PSMA7: variants seen among roughly 807,000 people sequenced by gnomAD.
PSMA7 encodes proteasome 20S subunit alpha 7, also known as proteasome subunit alpha type-7.
Under a neutral mutation model 31.3 loss-of-function variants are expected in PSMA7, and 5 were observed. That is an observed-to-expected ratio of 0.16 (90% CI 0.08 to 0.34). PSMA7 has a LOEUF of 0.34. Ranked by LOEUF, PSMA7 falls within the 10% of genes least tolerant of loss-of-function variation. The pLI is 1.00. For synonymous variants in PSMA7, 155 were observed against 121.9 expected (o/e 1.27, Z -1.79); for missense variants, 217 against 327.5 (o/e 0.66, Z 2.60).
At chr20:62,140,761 GC>G in intron 2 of PSMA7, 56 bp downstream of exon 2, 2 of 1,595,910 alleles carry the variant, frequency 1.3e-6, no homozygotes, top group Non-Finnish European at 1.7e-6. Context: ...AATCTCCAAA[GC>G]CCTATTCTTC....
Position 62,143,309 on chromosome 20 carries a change from C to A in PSMA7, c.-6G>T. 7.1e-7 allele frequency: 1 copy of A among 1,402,562 alleles called. No individual in the cohort carries two copies. The allele number at this position is 1,402,562 out of a possible 1,614,324, so 86.9% of individuals were successfully genotyped here. A position where few individuals can be genotyped will look rare whatever the true frequency, so the allele number is the denominator to read the frequency against. The stretch of plus-strand genomic sequence containing the variant: ...ATGGCGCGGTCGTAGCTCATGCCGG[C>A]GGGCGGCGGCCGGGCTCCTTCCGCC... On this transcript the variant is annotated 5_prime_UTR_variant, in exon 1 of 7. Coordinates refer to ENST00000370873, the MANE Select transcript of PSMA7 (RefSeq NM_002792.4).
chr20:62,142,056 G>A (rs2056932326), intron 1 of PSMA7, among the ~76,000 whole-genome samples: 1 of 152,212 alleles, frequency 6.6e-6, no homozygotes, highest in South Asian at 2.1e-4. Context: ...GAGCACCTCT[G>A]CAAGGTCTTA....
chr20:62,137,305 C>T (rs982242273), intron 6 of PSMA7, 59 bp downstream of exon 6: 68 of 1,545,262 alleles, frequency 4.4e-5, no homozygotes, highest in Middle Eastern at 1.7e-4. Context: ...TGGTACTGCT[C>T]AGCCCTGATC....
At chr20:62,138,990 GCCTACAGCAGGAAGCCCAGGA>G in intron 4 of PSMA7, 64 bp downstream of exon 4, 1 of 1,514,604 alleles carries the variant, frequency 6.6e-7, no homozygotes, top group Admixed American at 1.9e-5. Flanking sequence ...CTGATACAGG[GCCTACAGCAGGAAGCCCAGGA>G]CCTCCCACCC....
At position 62,136,777 on chromosome 20, in the gene PSMA7, T is replaced by C. The variant is rs972358066; in HGVS notation, c.*80A>G. On this transcript the variant is annotated 3_prime_UTR_variant, in exon 7 of 7. Transcript: ENST00000370873. ...TTGTAGGACACTCAGTGTGAATAAATGGAATGGAAAGGCCTACACATCGAG... is the reference window on the plus strand; with the variant it reads ...TTGTAGGACACTCAGTGTGAATAAACGGAATGGAAAGGCCTACACATCGAG... The C allele has an allele frequency of 3.1e-5, 47 of 1,511,032 alleles. No homozygotes were observed. The highest frequency in any genetic ancestry group is 2.6e-4 in the East Asian group (11 of 42,662). The allele number at this position is 1,511,032 out of a possible 1,614,324, so 93.6% of individuals were successfully genotyped here.
chr20:62,138,293 A>G lies in PSMA7; in HGVS notation c.472-3T>C, dbSNP rs1600966301. 2 of 1,603,516 alleles carry G rather than the reference A, an allele frequency of 1.2e-6. No individual in the cohort carries two copies. Among genetic ancestry groups the G allele is most frequent in the African/African-American group, 1.3e-5 (1 of 74,848 alleles). ...GCACCCCGACCTATGGCATTGGCCT[A>G]AAACAGACACGTATGTTCTCACGTG... On this transcript the variant is annotated splice_polypyrimidine_tract_variant and splice_region_variant and intron_variant, in intron 4 of 6. Transcript: ENST00000370873.
intron 1 of PSMA7, 75 bp downstream of exon 1, chr20:62,143,133 G>A (rs1482933371): frequency 1.1e-5 from 11 of 998,468 alleles, no homozygotes; most frequent in Non-Finnish European, 1.3e-5. Flanking sequence ...GCCGCGCCCG[G>A]CCCCGGCCCT....
Position 62,140,957 on chromosome 20 carries a change from T to A in PSMA7, c.97-13A>T, listed in dbSNP as rs980757595. 1.9e-5 allele frequency: 31 copies of A among 1,613,738 alleles called. No homozygotes were observed. Among genetic ancestry groups the A allele is most frequent in the Non-Finnish European group, 2.5e-5 (29 of 1,179,990 alleles). ...CTCGAACACCAACCTTTAATTAAGA[T>A]CCACAAACCACGTAAGAAAGTGATA... On this transcript the variant is annotated splice_polypyrimidine_tract_variant and intron_variant, in intron 1 of 6. Transcript: ENST00000370873.
rs2056895526 is a variant in PSMA7, at chr20:62,136,739, A to T, written c.*118T>A. 5.0e-6 allele frequency: 7 copies of T among 1,402,292 alleles called. No individual in the cohort carries two copies. 86.9% of individuals were successfully genotyped at this position (1,402,292 alleles called of 1,614,324 possible). ...TCTTAAAAAAAAAAACAGGTTAAAA[A>T]TACGGAAGTTTATTGTAGGACACTC... On this transcript the variant is annotated 3_prime_UTR_variant, in exon 7 of 7. Transcript: ENST00000370873.
chr20:62,138,956 G>C, intron 4 of PSMA7, 119 bp downstream of exon 4: 1 of 1,338,442 alleles, frequency 7.5e-7, no homozygotes, highest in Admixed American at 2.2e-5. Flanking sequence ...CATAGGACTA[G>C]GTTAACTTAA....
rs2281739 is a variant in PSMA7 at position 62,137,982 on chromosome 20, T to C, written c.591+189A>G. ...CTGGATAAAGACACTAATGATCACA[T>C]CTTGCATGGCTATTTCAAGGAACAC... is the stretch of plus-strand genomic sequence containing the variant. On this transcript the variant is annotated intron_variant, in intron 5 of 6. Transcript: ENST00000370873. Among the ~76,000 whole-genome samples the C allele has an allele frequency of 0.67, 100,812 of 151,332 alleles. 36,423 individuals are homozygous for C. The highest frequency in any genetic ancestry group is 0.8 in the Non-Finnish European group (54,465 of 67,984).
chr20:62,137,327 C>T, intron 6 of PSMA7, 37 bp downstream of exon 6: 2 of 1,602,212 alleles, frequency 1.2e-6, no homozygotes, highest in Non-Finnish European at 1.7e-6. Context: ...TGGGAGAAAA[C>T]TGACAGGTAA....
Position 62,138,156 on chromosome 20 carries a change from C to G in PSMA7, c.591+15G>C. The G allele has an allele frequency of 6.2e-7, 1 of 1,614,116 alleles. No homozygotes were observed. On this transcript the variant is annotated intron_variant, in intron 5 of 6. Coordinates refer to ENST00000370873, the MANE Select transcript of PSMA7 (RefSeq NM_002792.4). ...TATCTTCACCACCTTGCCTGGATTC[C>G]AAATGCAAACTTACTTCCAGGAGTG...
chr20:62,142,968 C>T (rs1186804685), intron 1 of PSMA7, among the ~76,000 whole-genome samples: 1 of 150,244 alleles, frequency 6.7e-6, no homozygotes, highest in Non-Finnish European at 1.5e-5. Flanking sequence ...GGCCGGGCCC[C>T]AAGCGAGGCG....
At chr20:62,142,045 A>C (rs1411117922) in intron 1 of PSMA7, among the ~76,000 whole-genome samples, 2 of 152,226 alleles carry the variant, frequency 1.3e-5, no homozygotes, top group Non-Finnish European at 2.9e-5. Flanking sequence ...CCAAATGCCA[A>C]GAGCACCTCT....
Position 62,143,377 on chromosome 20 carries a change from G to C in PSMA7, c.-74C>G, listed in dbSNP as rs914837580. 2.3e-6 allele frequency: 2 copies of C among 862,308 alleles called. No homozygotes were observed. The highest frequency in any genetic ancestry group is 3.7e-5 in the African/African-American group (2 of 54,364). 53.4% of individuals were successfully genotyped at this position (862,308 alleles called of 1,614,324 possible). A position where few individuals can be genotyped will look rare whatever the true frequency, so the allele number is the denominator to read the frequency against. ...ACACTCACGGCCCGCGCGCACCCGC[G>C]ACTCCCGGCGCCACTACGCCCGCGC... is the stretch of plus-strand genomic sequence containing the variant. On this transcript the variant is annotated 5_prime_UTR_variant, in exon 1 of 7. Transcript: ENST00000370873.
intron 1 of PSMA7, among the ~76,000 whole-genome samples, chr20:62,141,841 C>T (rs1198370993): frequency 6.6e-6 from 1 of 152,212 alleles, no homozygotes; most frequent in Non-Finnish European, 1.5e-5. Context: ...TTATTAAAAG[C>T]ATGAACAATC....
intron 3 of PSMA7, 157 bp downstream of exon 3, chr20:62,139,624 G>T: frequency 8.3e-7 from 1 of 1,208,944 alleles, no homozygotes; most frequent in Non-Finnish European, 1.2e-6. Flanking sequence ...AAATTGGTGA[G>T]CTAGGTCAAG....
rs778557562 is a variant in PSMA7 at position 62,143,262 on chromosome 20, G to A, written c.42C>T (p.Gly14=). Residue 14 remains glycine, a synonymous_variant, in exon 1 of 7, where the codon GGC becomes GGT. Transcript: ENST00000370873. ...DRAITVFSPD[G]HLFQVEYAQE... Reference sequence around the variant, plus strand: ...GCGCGTACTCCACTTGGAAGAGGTGGCCGTCGGGCGAGAAGACGGTGATGG... The same window carrying A: ...GCGCGTACTCCACTTGGAAGAGGTGACCGTCGGGCGAGAAGACGGTGATGG... The A allele has an allele frequency of 2.0e-6, 3 of 1,481,178 alleles. No homozygotes were observed. The highest frequency in any genetic ancestry group is 3.0e-5 in the East Asian group (1 of 33,352). 91.8% of individuals were successfully genotyped at this position (1,481,178 alleles called of 1,614,324 possible).
Sources: allele counts gnomAD v4.1 joint callset (sites outside exome capture counted in the v4.1 genomes callset), GRCh38; gene constraint gnomAD v4.1.1; transcripts MANE v1.5; gene names NCBI Gene and HGNC (gene_info 2026-07-23, HGNC 2026-07-21).